OCA2: variants seen among roughly 807,000 people sequenced by gnomAD.
OCA2 encodes P protein.
Under a neutral mutation model 100.2 loss-of-function variants are expected in OCA2, and 77 were observed. The observed-to-expected ratio is 0.77, with a 90% CI of 0.64 to 0.93. The LOEUF (loss-of-function observed/expected upper bound fraction) is 0.93, where lower values mean the gene tolerates loss of function less well. OCA2 is among the 40% of genes least tolerant of loss of function. The probability of loss-of-function intolerance (pLI) is 0.00; values close to 1 mark genes in which losing one functional copy is unlikely to be tolerated. For synonymous variants in OCA2, 432 were observed against 439.2 expected, an observed-to-expected ratio of 0.98 and a Z score of 0.21; for missense variants, 1,062 against 1,089.1, an observed-to-expected ratio of 0.98 and a Z score of 0.35.
chr15:27,930,263 G>T (rs900981156), intron 18 of OCA2, among the ~76,000 whole-genome samples: 2 of 152,116 alleles, frequency 1.3e-5, no homozygotes, highest in Non-Finnish European at 2.9e-5. Flanking sequence ...GTGAATGTGT[G>T]TACAAAAAGA....
chr15:27,858,877 A>T (rs1431178335), intron 21 of OCA2, among the ~76,000 whole-genome samples: 1 of 152,078 alleles, frequency 6.6e-6, no homozygotes, highest in Non-Finnish European at 1.5e-5. Flanking sequence ...ATGAAACTAG[A>T]AATCAGTAAC....
At chr15:27,887,509 G>A (rs984687789) in intron 19 of OCA2, among the ~76,000 whole-genome samples, 2 of 151,508 alleles carry the variant, frequency 1.3e-5, no homozygotes, top group Non-Finnish European at 2.9e-5. Context: ...AGAACCTGAG[G>A]AGGGACCCCA....
intron 19 of OCA2, among the ~76,000 whole-genome samples, chr15:27,889,327 T>A (rs577847246): frequency 6.6e-6 from 1 of 152,276 alleles, no homozygotes; most frequent in East Asian, 1.9e-4. Flanking sequence ...AGTAGGATAA[T>A]GTGGGAGCAT....
chr15:28,069,769 C>A (rs1328306780), intron 2 of OCA2, among the ~76,000 whole-genome samples: 12 of 140,948 alleles, frequency 8.5e-5, no homozygotes, highest in Admixed American at 8.3e-4. Flanking sequence ...CACCTCCCAG[C>A]CGCCTGCCTT....
rs1196620110 is a variant in OCA2 at position 28,070,601 on chromosome 15, G to A, written c.227+11047C>T. ...TGGGAGGTGAGGGGCGCCTCTGCCCGGCCGCCCCTACTGGGAAGTGAGGAG... is the reference window on the plus strand; with the variant it reads ...TGGGAGGTGAGGGGCGCCTCTGCCCAGCCGCCCCTACTGGGAAGTGAGGAG... On this transcript the variant is annotated intron_variant, in intron 2 of 23. Transcript: ENST00000354638. Among the ~76,000 whole-genome samples, 57 of 143,494 alleles carry A rather than the reference G, an allele frequency of 4.0e-4. No individual in the cohort carries two copies. The Middle Eastern group carries it at 0.012, about 29-fold the overall frequency. The allele number at this position is 143,494 out of a possible 152,430, so 94.1% of individuals were successfully genotyped here. A position where few individuals can be genotyped will look rare whatever the true frequency, so the allele number is the denominator to read the frequency against.
intron 9 of OCA2, among the ~76,000 whole-genome samples, chr15:28,004,143 A>C (rs755352944): frequency 1.3e-5 from 2 of 152,248 alleles, no homozygotes; most frequent in Non-Finnish European, 2.9e-5. Flanking sequence ...ACATCAGTCC[A>C]TCGTCTCCTG....
At chr15:28,094,877 C>T (rs762266827) in intron 1 of OCA2, among the ~76,000 whole-genome samples, 1 of 152,230 alleles carries the variant, frequency 6.6e-6, no homozygotes, top group Non-Finnish European at 1.5e-5. Context: ...AGTGGGGCGA[C>T]GGCACCGGTG....
chr15:27,876,194 T>A (rs111897327), intron 19 of OCA2, among the ~76,000 whole-genome samples: 2,390 of 152,212 alleles, frequency 0.016, 56 homozygotes, highest in African/African-American at 0.05. Flanking sequence ...GTTTGCTCTC[T>A]AATGCTTTTT....
chr15:27,999,431 G>C (rs1009669095), intron 9 of OCA2, among the ~76,000 whole-genome samples: 40 of 152,028 alleles, frequency 2.6e-4, no homozygotes, highest in African/African-American at 9.4e-4. Flanking sequence ...ATAATTAAAA[G>C]CTCTCAACAA....
At chr15:27,887,257 C>A (rs2037261197) in intron 19 of OCA2, among the ~76,000 whole-genome samples, 1 of 151,996 alleles carries the variant, frequency 6.6e-6, no homozygotes, top group African/African-American at 2.4e-5. Flanking sequence ...TGGACTAATA[C>A]AGGAGCCCAG....
chr15:28,002,686 C>G (rs1321087349), intron 9 of OCA2, among the ~76,000 whole-genome samples: 1 of 152,142 alleles, frequency 6.6e-6, no homozygotes, highest in Non-Finnish European at 1.5e-5. Context: ...CTCCAGGCCA[C>G]GCGGGAGCCT....
At chr15:27,838,065 A>G (rs776513798) in intron 23 of OCA2, among the ~76,000 whole-genome samples, 2 of 152,070 alleles carry the variant, frequency 1.3e-5, no homozygotes, top group Non-Finnish European at 2.9e-5. Flanking sequence ...AAAACAGAGC[A>G]TGAGAATCTA....
intron 9 of OCA2, among the ~76,000 whole-genome samples, chr15:28,005,195 CAGA>C (rs2141149573): frequency 6.6e-6 from 1 of 152,230 alleles, no homozygotes; most frequent in East Asian, 1.9e-4. Context: ...TTCCCCTCCT[CAGA>C]AGGAGGCTGA....
intron 2 of OCA2, among the ~76,000 whole-genome samples, chr15:28,077,221 G>A (rs553292706): frequency 9.9e-5 from 15 of 151,902 alleles, no homozygotes; most frequent in Admixed American, 3.3e-4. Flanking sequence ...CACCAGGCCC[G>A]GATAATTTTG....
At chr15:27,751,314 T>C (rs1384659630), downstream of OCA2, among the ~76,000 whole-genome samples, 3 of 152,188 alleles carry the variant, frequency 2.0e-5, no homozygotes, top group African/African-American at 7.2e-5. Flanking sequence ...AGAGATCATG[T>C]TAAATAACCA....
chr15:28,004,624 T>A (rs1174984680), intron 9 of OCA2, among the ~76,000 whole-genome samples: 2 of 151,558 alleles, frequency 1.3e-5, no homozygotes, highest in Non-Finnish European at 2.9e-5. Context: ...AGTCACACAC[T>A]GTGACACCCA....
chr15:27,925,983 A>G, intron 19 of OCA2, 144 bp downstream of exon 19: 2 of 951,850 alleles, frequency 2.1e-6, no homozygotes, highest in South Asian at 1.6e-5. Context: ...TTAACTTAAA[A>G]TAGTCCAATT....
At position 27,983,439 on chromosome 15, in the gene OCA2, G is replaced by A. The variant is rs756898802; in HGVS notation, c.1409C>T (p.Ala470Val). Residue 470 changes from alanine (A) to valine (V), a missense_variant, in exon 14 of 24, where the codon GCA becomes GTA. Transcript: ENST00000354638. ...LNLDPRQVLIAEVIFTNIGGA... is the reference protein window; with the variant it reads ...LNLDPRQVLIVEVIFTNIGGA... ...TCCAATGTTTGTGAAGATCACTTCT[G>A]CAATCAGGACTTGTCTTGGATCAAG... 2 of 1,614,210 alleles carry A rather than the reference G, an allele frequency of 1.2e-6. No homozygotes were observed. The highest frequency in any genetic ancestry group is 4.5e-5 in the East Asian group (2 of 44,886).
chr15:27,869,144 G>A (rs575744060), intron 21 of OCA2, among the ~76,000 whole-genome samples: 1 of 152,336 alleles, frequency 6.6e-6, no homozygotes, highest in Non-Finnish European at 1.5e-5. Flanking sequence ...CAGTCACTCC[G>A]GGGAGATGCA....
Sources: allele counts gnomAD v4.1 joint callset (sites outside exome capture counted in the v4.1 genomes callset), GRCh38; gene constraint gnomAD v4.1.1; transcripts MANE v1.5; gene names NCBI Gene and HGNC (gene_info 2026-07-23, HGNC 2026-07-21).